The following UBXN7 variants were observed in gnomAD, a reference collection of about 807,000 sequenced individuals.
The protein encoded by UBXN7 is UBX domain-containing protein 7.
Under a neutral mutation model 58.0 loss-of-function variants are expected in UBXN7, and 9 were observed. The ratio of observed to expected loss-of-function variants is 0.16; its 90% CI spans 0.09 to 0.27. The LOEUF is 0.27. Ranked by LOEUF, UBXN7 falls within the 10% of genes least tolerant of loss-of-function variation. The pLI, the probability that UBXN7 is intolerant of heterozygous loss-of-function variation, is 1.00. For missense variants in UBXN7, 328 were observed against 599.6 expected (o/e 0.55, Z 4.73); for synonymous variants, 208 against 205.0 (o/e 1.01, Z -0.12).
In UBXN7 at chr3:196,356,553, TAAGAG is replaced by T. The variant is rs1467939080; in HGVS notation, c.*127_*131del. The T allele has an allele frequency of 2.2e-6, 2 of 927,430 alleles. No individual in the cohort carries two copies. The highest frequency in any genetic ancestry group is 3.2e-6 in the Non-Finnish European group (2 of 624,986). The allele number at this position is 927,430 out of a possible 1,614,324, so 57.5% of individuals were successfully genotyped here. ...ACTGATTATAGGAGAGATCAAGAAA[TAAGAG>T]AAGGAAGGTGACTTGCTTGCCCAAC... On this transcript the variant is annotated 3_prime_UTR_variant, in exon 11 of 11. Coordinates refer to ENST00000296328, the MANE Select transcript of UBXN7 (RefSeq NM_015562.2).
Position 196,401,265 on chromosome 3 carries a change from AAAAAAAAAAATAT to A in UBXN7, c.289+1674_289+1686del, listed in dbSNP as rs1729956844. On this transcript the variant is annotated intron_variant, in intron 3 of 10. Coordinates refer to ENST00000296328, the MANE Select transcript of UBXN7 (RefSeq NM_015562.2). The stretch of plus-strand genomic sequence containing the variant: ...CGTCTCTCCAAAAAAAAAAAAAAAA[AAAAAAAAAAATAT>A]ATATATATATATATATATATACACA... Among the ~76,000 whole-genome samples the A allele has an allele frequency of 3.3e-5, 3 of 89,866 alleles. No homozygotes were observed. The South Asian group carries it at 1.0e-3, about 31-fold the overall frequency. 59.0% of individuals were successfully genotyped at this position (89,866 alleles called of 152,430 possible).
chr3:196,406,614 A>T (rs1560237968), intron 2 of UBXN7, among the ~76,000 whole-genome samples: 1 of 142,712 alleles, frequency 7.0e-6, no homozygotes, highest in Non-Finnish European at 1.5e-5. Context: ...TAATTTTTGT[A>T]TTTTTTTTTT....
rs1728172729 is a variant in UBXN7 at position 196,349,911 on chromosome 3, TCC to T, written c.*6772_*6773del. On this transcript the variant is annotated 3_prime_UTR_variant, in exon 11 of 11. Coordinates refer to ENST00000296328, the MANE Select transcript of UBXN7 (RefSeq NM_015562.2). Reference sequence around the variant, plus strand: ...TAGTCCAGCTTAGCTTGACTATTCTTCCCATTTGAAAACCCAAATGACCTTTA... The same window carrying T: ...TAGTCCAGCTTAGCTTGACTATTCTTCATTTGAAAACCCAAATGACCTTTA... 1.3e-5 allele frequency: 2 copies of T among 152,230 alleles called. No individual in the cohort carries two copies. The highest frequency in any genetic ancestry group is 2.9e-5 in the Non-Finnish European group (2 of 68,044). 9.4% of individuals were successfully genotyped at this position (152,230 alleles called of 1,614,324 possible).
intron 3 of UBXN7, among the ~76,000 whole-genome samples, chr3:196,396,865 C>A (rs1729791657): frequency 6.6e-6 from 1 of 152,174 alleles, no homozygotes; most frequent in Non-Finnish European, 1.5e-5. Flanking sequence ...TAATTTTCTT[C>A]TACTTTTAAA....
In UBXN7 at chr3:196,379,314, C is replaced by T. The variant is rs116629041; in HGVS notation, c.469-7272G>A. 4.5e-3 allele frequency among the ~76,000 whole-genome samples: 687 copies of T among 152,190 alleles called. 3 individuals are homozygous for T. Among genetic ancestry groups the T allele is most frequent in the African/African-American group, 0.016 (649 of 41,486 alleles). On this transcript the variant is annotated intron_variant, in intron 5 of 10. Coordinates refer to ENST00000296328, the MANE Select transcript of UBXN7 (RefSeq NM_015562.2). Reference sequence around the variant, plus strand: ...GGGGATTTTAGCTTCTTTACTGCAACATGTTTCATCAGCAAGGCCTTCATG... The same window carrying T: ...GGGGATTTTAGCTTCTTTACTGCAATATGTTTCATCAGCAAGGCCTTCATG...
intron 5 of UBXN7, among the ~76,000 whole-genome samples, chr3:196,375,008 A>AGGGAGGG (rs1560223356): frequency 2.6e-5 from 1 of 38,962 alleles, no homozygotes; most frequent in Non-Finnish European, 5.3e-5. Context: ...GGGAGGGAGG[A>AGGGAGGG]AGGAAGGAAG....
At chr3:196,393,525 A>AGAT in intron 4 of UBXN7, 29 bp downstream of exon 4, 4 of 1,591,042 alleles carry the variant, frequency 2.5e-6, no homozygotes, top group Non-Finnish European at 3.4e-6. Flanking sequence ...GAGAAGAGGG[A>AGAT]GATGATAAAC....
At chr3:196,359,050 C>A (rs984884018) in intron 10 of UBXN7, among the ~76,000 whole-genome samples, 3 of 152,124 alleles carry the variant, frequency 2.0e-5, no homozygotes, top group Non-Finnish European at 2.9e-5. Flanking sequence ...ATGCTTCCAA[C>A]GCCCTGTTTC....
intron 2 of UBXN7, among the ~76,000 whole-genome samples, chr3:196,403,798 A>C (rs1730065499): frequency 6.6e-6 from 1 of 152,198 alleles, no homozygotes; most frequent in African/African-American, 2.4e-5. Context: ...TTTACTAAAA[A>C]GATCCTAATA....
chr3:196,414,445 A>C (rs1327163675), intron 1 of UBXN7, among the ~76,000 whole-genome samples: 2 of 152,058 alleles, frequency 1.3e-5, no homozygotes, highest in African/African-American at 2.4e-5. Context: ...AAAAAGTTTT[A>C]ATCCATCTCA....
At chr3:196,381,594 G>A (rs1247105448) in intron 5 of UBXN7, among the ~76,000 whole-genome samples, 1 of 152,306 alleles carries the variant, frequency 6.6e-6, no homozygotes, top group East Asian at 1.9e-4. Flanking sequence ...CCAAAGGATC[G>A]CAACTCCTTG....
intron 2 of UBXN7, among the ~76,000 whole-genome samples, chr3:196,407,029 C>T (rs1730183966): frequency 6.6e-6 from 1 of 152,094 alleles, no homozygotes; most frequent in African/African-American, 2.4e-5. Context: ...TCCCCGACTT[C>T]ACAGAGCCTA....
intron 1 of UBXN7, among the ~76,000 whole-genome samples, chr3:196,430,323 C>T (rs1274345388): frequency 2.0e-5 from 3 of 151,960 alleles, no homozygotes; most frequent in African/African-American, 4.8e-5. Flanking sequence ...CCTGGGAGAT[C>T]TGCACTCCAA....
intron 1 of UBXN7, among the ~76,000 whole-genome samples, chr3:196,410,616 G>A (rs1425608472): frequency 6.6e-6 from 1 of 152,168 alleles, no homozygotes; most frequent in East Asian, 1.9e-4. Flanking sequence ...GAGGTTAGGA[G>A]TTCAAGACCA....
At chr3:196,409,127 C>T (rs1730249063) in intron 1 of UBXN7, among the ~76,000 whole-genome samples, 1 of 152,130 alleles carries the variant, frequency 6.6e-6, no homozygotes, top group Non-Finnish European at 1.5e-5. Context: ...TGGGTAATCT[C>T]TTCAATGCTA....
chr3:196,380,484 G>A (rs771327783), intron 5 of UBXN7, among the ~76,000 whole-genome samples: 2 of 152,190 alleles, frequency 1.3e-5, no homozygotes, highest in East Asian at 1.9e-4. Context: ...TCTTGCTTAA[G>A]CTACTGTTTG....
chr3:196,402,292 A>G (rs935351421), intron 3 of UBXN7, among the ~76,000 whole-genome samples: 15 of 152,298 alleles, frequency 9.8e-5, no homozygotes, highest in African/African-American at 3.1e-4. Context: ...AAGTGTTGGG[A>G]TTACAGGTGT....
At chr3:196,396,306 GT>G (rs1729769334) in intron 3 of UBXN7, among the ~76,000 whole-genome samples, 3 of 151,546 alleles carry the variant, frequency 2.0e-5, no homozygotes. Flanking sequence ...TGCGCCTATA[GT>G]CCCAGCTGCC....
At chr3:196,387,011 A>G (rs12488531) in intron 5 of UBXN7, among the ~76,000 whole-genome samples, 79,891 of 151,706 alleles carry the variant, frequency 0.53, 21,478 homozygotes, top group East Asian at 0.9. Context: ...TACCGAAACA[A>G]ATATATACTA....
Sources: allele counts gnomAD v4.1 joint callset (sites outside exome capture counted in the v4.1 genomes callset), GRCh38; gene constraint gnomAD v4.1.1; transcripts MANE v1.5; gene names NCBI Gene and HGNC (gene_info 2026-07-23, HGNC 2026-07-21).